FRMD4A: variants seen among roughly 807,000 people sequenced by gnomAD.
FRMD4A encodes FERM domain containing 4A.
FRMD4A carries 29 observed loss-of-function variants against 129.1 expected under a neutral mutation model. That is an observed-to-expected ratio of 0.22 (90% CI 0.17 to 0.31). The LOEUF (loss-of-function observed/expected upper bound fraction) is 0.31, where lower values mean the gene tolerates loss of function less well. Ranked by LOEUF, FRMD4A falls within the 10% of genes least tolerant of loss-of-function variation. The pLI is 1.00. For missense variants in FRMD4A, 1,272 were observed against 1,375.8 expected, an observed-to-expected ratio of 0.92 and a Z score of 1.19; for synonymous variants, 634 against 571.6, an observed-to-expected ratio of 1.11 and a Z score of -1.56.
chr10:14,128,385 T>G (rs1386328601), intron 2 of FRMD4A, among the ~76,000 whole-genome samples: 1 of 152,144 alleles, frequency 6.6e-6, no homozygotes, highest in African/African-American at 2.4e-5. Flanking sequence ...ATTAGAGGCA[T>G]GAGCCACCCC....
intron 2 of FRMD4A, among the ~76,000 whole-genome samples, chr10:14,252,151 G>T (rs1844462247): frequency 6.6e-6 from 1 of 152,044 alleles, no homozygotes; most frequent in Non-Finnish European, 1.5e-5. Context: ...GTTTGTTTCA[G>T]CCTTCTCTTT....
chr10:13,914,669 C>G (rs145493522), intron 2 of FRMD4A, among the ~76,000 whole-genome samples: 6 of 152,060 alleles, frequency 3.9e-5, no homozygotes, highest in African/African-American at 1.4e-4. Context: ...TTAAACAGAC[C>G]AGCTACTTAC....
chr10:14,079,699 C>T (rs771925199), intron 2 of FRMD4A, among the ~76,000 whole-genome samples: 12 of 152,194 alleles, frequency 7.9e-5, no homozygotes, highest in Non-Finnish European at 1.6e-4. Context: ...TGTGTGACAA[C>T]AGCGCTGAGC....
chr10:14,141,890 C>T (rs1271179339), intron 2 of FRMD4A, among the ~76,000 whole-genome samples: 1 of 152,098 alleles, frequency 6.6e-6, no homozygotes, highest in Non-Finnish European at 1.5e-5. Context: ...ATCTTTGGCT[C>T]CTCTGATGCC....
At chr10:13,891,447 C>A (rs2094695388) in intron 2 of FRMD4A, among the ~76,000 whole-genome samples, 1 of 152,080 alleles carries the variant, frequency 6.6e-6, no homozygotes. Flanking sequence ...ACAGTATGTG[C>A]CCCACGTGGG....
chr10:14,163,055 T>C (rs528961174), intron 2 of FRMD4A, among the ~76,000 whole-genome samples: 15 of 152,222 alleles, frequency 9.9e-5, no homozygotes, highest in Non-Finnish European at 1.9e-4. Flanking sequence ...GACCAAAGAA[T>C]AATAGAAAGT....
At chr10:14,242,663 G>A (rs1450568245) in intron 2 of FRMD4A, among the ~76,000 whole-genome samples, 1 of 152,166 alleles carries the variant, frequency 6.6e-6, no homozygotes, top group Non-Finnish European at 1.5e-5. Flanking sequence ...ATTAAGTCAC[G>A]ATAGATGGAA....
intron 18 of FRMD4A, among the ~76,000 whole-genome samples, chr10:13,665,162 T>A (rs4339936): frequency 3.3e-5 from 5 of 151,932 alleles, no homozygotes; most frequent in Admixed American, 2.0e-4. Flanking sequence ...GTGAGCCACC[T>A]CACCCAGCCC....
chr10:13,885,215 T>C (rs1027911008), intron 2 of FRMD4A, among the ~76,000 whole-genome samples: 1 of 152,140 alleles, frequency 6.6e-6, no homozygotes, highest in Non-Finnish European at 1.5e-5. Flanking sequence ...CAAGATCCCA[T>C]CTCTCCAGAA....
rs1019133831 is a variant in FRMD4A, at chr10:13,967,859, G to A, written c.46-108947C>T. Among the ~76,000 whole-genome samples, 17 of 152,306 alleles carry A rather than the reference G, an allele frequency of 1.1e-4. No individual in the cohort carries two copies. The Middle Eastern group carries it at 0.01, about 91-fold the overall frequency. On this transcript the variant is annotated intron_variant, in intron 2 of 24. Transcript: ENST00000357447. ...CCAGGAGTTTGAGACCAGTCTGGAC[G>A]ACATGGCGAAACCCCATCTCTACAA...
At position 14,055,461 on chromosome 10, in the gene FRMD4A, AAACAC is replaced by A. The variant is rs1834475647; in HGVS notation, c.46-196554_46-196550del. On this transcript the variant is annotated intron_variant, in intron 2 of 24. Coordinates refer to ENST00000357447, the MANE Select transcript of FRMD4A (RefSeq NM_018027.5). ...GCTACACACACACACACACACACAC[AAACAC>A]ACACACACACACACACACACACACA... 1.2e-3 allele frequency among the ~76,000 whole-genome samples: 28 copies of A among 23,106 alleles called. No homozygotes were observed. The South Asian group carries it at 0.013, about 11-fold the overall frequency. 15.2% of individuals were successfully genotyped at this position (23,106 alleles called of 152,430 possible). A position where few individuals can be genotyped will look rare whatever the true frequency, so the allele number is the denominator to read the frequency against.
At chr10:13,848,878 T>A (rs1174233872) in intron 3 of FRMD4A, among the ~76,000 whole-genome samples, 2 of 152,236 alleles carry the variant, frequency 1.3e-5, no homozygotes, top group African/African-American at 4.8e-5. Flanking sequence ...GTATGTTTTA[T>A]GGACTATTTC....
At position 14,082,139 on chromosome 10, in the gene FRMD4A, T is replaced by C. The variant is rs1984483; in HGVS notation, c.46-223227A>G. On this transcript the variant is annotated intron_variant, in intron 2 of 24. Transcript: ENST00000357447. Reference sequence around the variant, plus strand: ...GCACGTGCCTGAACTCCCAGCTACTTGGGAGGCTGAGGCAGGAGAATTGCT... The same window carrying C: ...GCACGTGCCTGAACTCCCAGCTACTCGGGAGGCTGAGGCAGGAGAATTGCT... 5.4e-4 allele frequency among the ~76,000 whole-genome samples: 82 copies of C among 152,080 alleles called. 1 individual carries two copies. The highest frequency in any genetic ancestry group is 3.9e-3 in the Admixed American group (60 of 15,278).
chr10:14,098,797 A>T (rs987792504), intron 2 of FRMD4A, among the ~76,000 whole-genome samples: 1 of 152,172 alleles, frequency 6.6e-6, no homozygotes, highest in Non-Finnish European at 1.5e-5. Context: ...AATGGTCACA[A>T]GGTCTGAGAC....
At position 13,657,395 on chromosome 10, in the gene FRMD4A, T is replaced by C. The variant is rs149819739; in HGVS notation, c.2194A>G (p.Thr732Ala). Residue 732 changes from threonine to alanine, a missense_variant, in exon 22 of 25, where the codon ACC (threonine) becomes GCC (alanine). By Grantham distance (58) the Thr-to-Ala change is moderately conservative. This residue lies in a region of FRMD4A where 972 missense variants were observed against 892.3 expected (regional missense o/e 1.09). Coordinates refer to ENST00000357447, the MANE Select transcript of FRMD4A (RefSeq NM_018027.5). ...CCGTTGCTGCTACGAGTCCGCGGGG[T>C]GTAGAAGTCGGGGCTCCCGGTGTCG... ...ENDTGSPDFY[T>A]PRTRSSNGSD... The C allele has an allele frequency of 5.4e-4, 867 of 1,612,448 alleles. No homozygotes were observed. Among genetic ancestry groups the C allele is most frequent in the Non-Finnish European group, 6.7e-4 (786 of 1,179,732 alleles).
At chr10:14,156,489 G>A (rs913451046) in intron 2 of FRMD4A, among the ~76,000 whole-genome samples, 4 of 152,112 alleles carry the variant, frequency 2.6e-5, no homozygotes, top group Non-Finnish European at 2.9e-5. Context: ...AAACATATTT[G>A]TAATATAAAT....
intron 15 of FRMD4A, among the ~76,000 whole-genome samples, chr10:13,691,869 T>C (rs2085729104): frequency 6.6e-6 from 1 of 152,180 alleles, no homozygotes; most frequent in Non-Finnish European, 1.5e-5. Context: ...GACTCTGCTC[T>C]AGGTCATTCA....
intron 2 of FRMD4A, among the ~76,000 whole-genome samples, chr10:13,944,842 C>A (rs1325394629): frequency 6.6e-6 from 1 of 152,236 alleles, no homozygotes; most frequent in Non-Finnish European, 1.5e-5. Flanking sequence ...AGATAGAAAG[C>A]AACTTCTTAT....
At chr10:13,726,679 C>G (rs1229037018) in intron 12 of FRMD4A, among the ~76,000 whole-genome samples, 1 of 152,184 alleles carries the variant, frequency 6.6e-6, no homozygotes, top group East Asian at 1.9e-4. Context: ...CTCTGTTGCC[C>G]AGGCTGGAGT....
Sources: allele counts gnomAD v4.1 joint callset (sites outside exome capture counted in the v4.1 genomes callset), GRCh38; gene constraint gnomAD v4.1.1; regional missense constraint gnomAD v4.1.1; transcripts MANE v1.5; gene names NCBI Gene and HGNC (gene_info 2026-07-23, HGNC 2026-07-21).